The following TSPAN9 variants were observed in gnomAD, a reference collection of about 807,000 sequenced individuals.
TSPAN9 encodes the protein tetraspanin 9, also known as tetraspanin-9.
A neutral mutation model predicts 31.0 loss-of-function variants in TSPAN9; 16 were observed. That is an observed-to-expected ratio of 0.52 (90% CI 0.35 to 0.78). TSPAN9 has a LOEUF of 0.78. Ranked by LOEUF, TSPAN9 falls within the 30% of genes least tolerant of loss-of-function variation. The pLI is 0.01. For missense variants in TSPAN9, 272 were observed against 312.5 expected (o/e 0.87, Z 0.98); for synonymous variants, 145 against 121.6 (o/e 1.19, Z -1.27).
intron 2 of TSPAN9, among the ~76,000 whole-genome samples, chr12:3,103,107 C>G (rs1054007741): frequency 2.6e-5 from 4 of 152,166 alleles, no homozygotes; most frequent in Admixed American, 1.3e-4. Flanking sequence ...CAGCGTTGAC[C>G]AAGTACATTC....
At chr12:3,205,718 G>GC (rs60604328) in intron 3 of TSPAN9, among the ~76,000 whole-genome samples, 6,891 of 100,532 alleles carry the variant, frequency 0.069, 431 homozygotes, top group African/African-American at 0.18. Flanking sequence ...AGGCACTTAG[G>GC]CCCCCCCCCC....
chr12:3,218,506 C>T (rs899262982), intron 3 of TSPAN9, among the ~76,000 whole-genome samples: 1 of 152,250 alleles, frequency 6.6e-6, no homozygotes, highest in Admixed American at 6.5e-5. Context: ...TCTCACCTGG[C>T]CTTCTCAGGC....
chr12:3,259,622 G>A (rs1862411615), intron 3 of TSPAN9, among the ~76,000 whole-genome samples: 1 of 152,232 alleles, frequency 6.6e-6, no homozygotes, highest in Non-Finnish European at 1.5e-5. Flanking sequence ...AAAACTTGAA[G>A]GATAAGCATG....
chr12:3,099,620 G>A (rs2098310850), intron 2 of TSPAN9, among the ~76,000 whole-genome samples: 1 of 152,088 alleles, frequency 6.6e-6, no homozygotes. Flanking sequence ...ATGTTGATGG[G>A]TATTGGGTTT....
At chr12:3,234,142 A>G (rs1284087760) in intron 3 of TSPAN9, among the ~76,000 whole-genome samples, 1 of 152,244 alleles carries the variant, frequency 6.6e-6, no homozygotes, top group Non-Finnish European at 1.5e-5. Context: ...TGAAATATTT[A>G]GCCAAGATCA....
At chr12:3,275,752 C>T (rs987466626) in intron 3 of TSPAN9, among the ~76,000 whole-genome samples, 12 of 152,162 alleles carry the variant, frequency 7.9e-5, no homozygotes, top group East Asian at 1.9e-4. Context: ...TGTGGGGCTG[C>T]GCCAGGGGAC....
intron 3 of TSPAN9, among the ~76,000 whole-genome samples, chr12:3,253,295 C>T (rs545315055): frequency 1.3e-5 from 2 of 152,370 alleles, no homozygotes; most frequent in East Asian, 3.9e-4. Context: ...AGGCTGCCTG[C>T]CGGCTCAGTG....
At chr12:3,203,690 A>AC (rs755207777) in intron 3 of TSPAN9, among the ~76,000 whole-genome samples, 37 of 152,338 alleles carry the variant, frequency 2.4e-4, no homozygotes, top group South Asian at 6.2e-4. Flanking sequence ...AATCTCCAAG[A>AC]CCCACTTCTT....
intron 3 of TSPAN9, among the ~76,000 whole-genome samples, chr12:3,258,809 C>G (rs1862398174): frequency 6.6e-6 from 1 of 152,188 alleles, no homozygotes; most frequent in African/African-American, 2.4e-5. Flanking sequence ...TTATTGAAAT[C>G]TCAATGCACA....
intron 3 of TSPAN9, among the ~76,000 whole-genome samples, chr12:3,220,923 C>A (rs1024202961): frequency 6.6e-6 from 1 of 152,144 alleles, no homozygotes; most frequent in Non-Finnish European, 1.5e-5. Flanking sequence ...GACTCTGGGG[C>A]CATCCTTCAT....
At chr12:3,206,221 C>T (rs1242069129) in intron 3 of TSPAN9, 8 of 431,240 alleles carry the variant, frequency 1.9e-5, no homozygotes, top group Non-Finnish European at 3.4e-5. Context: ...TGCTGGGGTC[C>T]CAGTTGGGTC....
intron 3 of TSPAN9, among the ~76,000 whole-genome samples, chr12:3,255,967 C>G (rs190769654): frequency 6.6e-6 from 1 of 152,288 alleles, no homozygotes; most frequent in Non-Finnish European, 1.5e-5. Context: ...TGAAAGCAAC[C>G]CTTCTCTTGC....
chr12:3,175,483 A>C (rs908220279), intron 2 of TSPAN9, among the ~76,000 whole-genome samples: 7 of 152,188 alleles, frequency 4.6e-5, no homozygotes, highest in Non-Finnish European at 7.3e-5. Flanking sequence ...AGGGAAAGCC[A>C]GGCACCTCGT....
intron 3 of TSPAN9, among the ~76,000 whole-genome samples, chr12:3,237,300 G>GGCTTGCCTCCTGATGA: frequency 6.6e-6 from 1 of 152,310 alleles, no homozygotes; most frequent in African/African-American, 2.4e-5. Context: ...CCTCCTGATG[G>GGCTTGCCTCCTGATGA]GCTTGCCTCC....
At chr12:3,279,183 C>A in intron 5 of TSPAN9, 117 bp downstream of exon 5, 1 of 898,858 alleles carries the variant, frequency 1.1e-6, no homozygotes, top group Non-Finnish European at 1.8e-6. Context: ...AGCACCTGTG[C>A]AGAAAGGAAC....
intron 3 of TSPAN9, among the ~76,000 whole-genome samples, chr12:3,253,493 G>A (rs1862291223): frequency 6.6e-6 from 1 of 152,224 alleles, no homozygotes. Flanking sequence ...AGGATGCAGT[G>A]AGATAGTTGG....
intron 2 of TSPAN9, among the ~76,000 whole-genome samples, chr12:3,090,078 A>G (rs982356266): frequency 3.9e-5 from 6 of 152,168 alleles, no homozygotes; most frequent in Non-Finnish European, 8.8e-5. Flanking sequence ...ATTTCCAGAT[A>G]TTTCTGGATA....
At chr12:3,089,348 G>A (rs1470133628) in intron 2 of TSPAN9, among the ~76,000 whole-genome samples, 4 of 147,308 alleles carry the variant, frequency 2.7e-5, no homozygotes, top group Non-Finnish European at 6.0e-5. Context: ...CCAGGCTGGA[G>A]TGCAGTGGCG....
At chr12:3,142,871 C>T (rs1397395413) in intron 2 of TSPAN9, among the ~76,000 whole-genome samples, 1 of 152,178 alleles carries the variant, frequency 6.6e-6, no homozygotes, top group Non-Finnish European at 1.5e-5. Context: ...TTCCCACGAG[C>T]GCCCTTTTTC....
Sources: allele counts gnomAD v4.1 joint callset (sites outside exome capture counted in the v4.1 genomes callset), GRCh38; gene constraint gnomAD v4.1.1; transcripts MANE v1.5; gene names NCBI Gene and HGNC (gene_info 2026-07-23, HGNC 2026-07-21).